Variants in LZTS1 observed in about 807,000 individuals in gnomAD.
LZTS1 encodes the protein leucine zipper tumor suppressor 1.
LZTS1 carries 31 observed loss-of-function variants against 45.8 expected under a neutral mutation model. That is an observed-to-expected ratio of 0.68 (90% CI 0.51 to 0.91). The LOEUF (loss-of-function observed/expected upper bound fraction) is 0.91. Ranked by LOEUF, LZTS1 falls within the 40% of genes least tolerant of loss-of-function variation. The pLI is 0.00. For missense variants in LZTS1, 821 were observed against 788.9 expected (o/e 1.04, Z -0.49); for synonymous variants, 359 against 357.3 (o/e 1.00, Z -0.05).
chr8:20,276,437 C>T (rs1366205235), intron 1 of LZTS1, among the ~76,000 whole-genome samples: 2 of 152,146 alleles, frequency 1.3e-5, no homozygotes, highest in African/African-American at 4.8e-5. Context: ...ATGTAGCCTC[C>T]ATAAAAACCC....
intron 1 of LZTS1, among the ~76,000 whole-genome samples, chr8:20,272,481 A>C (rs1394489994): frequency 1.3e-5 from 2 of 152,076 alleles, no homozygotes; most frequent in African/African-American, 2.4e-5. Context: ...TTTGTCCACT[A>C]GACATGGAAC....
At chr8:20,253,639 C>T in intron 2 of LZTS1, 54 bp from the exon 3 acceptor site, 2 of 1,356,336 alleles carry the variant, frequency 1.5e-6, no homozygotes, top group Non-Finnish European at 9.7e-7. Context: ...GCGCATTGCA[C>T]CCTCCCTCCC....
chr8:20,253,270 C>G lies in LZTS1; in HGVS notation c.661G>C (p.Asp221His). Residue 221 changes from aspartate (D) to histidine (H), a missense_variant, in exon 3 of 4, where the codon GAC becomes CAC. Asp to His is a moderately conservative substitution (Grantham distance 81). Transcript: ENST00000381569. ...GCCTTCAGGCTCATCATGTTGCTGT[C>G]CTGGAGGACGATGCCCTGGGTGATG... is the stretch of plus-strand genomic sequence containing the variant. ...HNITQGIVLQ[D>H]SNMMSLKALS... is the part of the protein sequence containing the mutation. The G allele has an allele frequency of 6.2e-7, 1 of 1,614,134 alleles. No homozygotes were observed. The highest frequency in any genetic ancestry group is 1.1e-5 in the South Asian group (1 of 91,090).
chr8:20,256,291 G>A (rs1315482052), intron 1 of LZTS1, among the ~76,000 whole-genome samples: 13 of 152,120 alleles, frequency 8.5e-5, no homozygotes, highest in Non-Finnish European at 1.3e-4. Flanking sequence ...AGACATCAGA[G>A]AACAAGGAGG....
chr8:20,276,866 C>T (rs11786102), intron 1 of LZTS1, among the ~76,000 whole-genome samples: 54,017 of 152,052 alleles, frequency 0.36, 10,581 homozygotes, highest in Non-Finnish European at 0.43. Context: ...TTGATTGTTA[C>T]GGTGTTAGAT....
chr8:20,262,103 T>C (rs963566865), intron 1 of LZTS1, among the ~76,000 whole-genome samples: 1 of 151,090 alleles, frequency 6.6e-6, no homozygotes. Flanking sequence ...CCCCATCCAT[T>C]CCCCCCCAGA....
intron 1 of LZTS1, among the ~76,000 whole-genome samples, chr8:20,278,480 G>A (rs1203204302): frequency 2.6e-5 from 4 of 152,240 alleles, no homozygotes; most frequent in East Asian, 3.9e-4. Flanking sequence ...AGGTCAAACC[G>A]TACACTTGAC....
chr8:20,264,237 T>C (rs1420587777), intron 1 of LZTS1, among the ~76,000 whole-genome samples: 1 of 152,248 alleles, frequency 6.6e-6, no homozygotes, highest in Non-Finnish European at 1.5e-5. Context: ...CATGTAGAGC[T>C]AGATCTTCCC....
chr8:20,266,539 TG>T (rs35776203), intron 1 of LZTS1, among the ~76,000 whole-genome samples: 2 of 151,836 alleles, frequency 1.3e-5, no homozygotes, highest in African/African-American at 4.8e-5. Flanking sequence ...ACTGGTCACC[TG>T]GGGGAAGTGC....
At chr8:20,250,398 G>A (rs751435681) in intron 3 of LZTS1, 35 bp from the exon 4 acceptor site, 2 of 1,544,582 alleles carry the variant, frequency 1.3e-6, no homozygotes, top group African/African-American at 2.7e-5. Context: ...AGTGCCAAGA[G>A]GTGAGTGTCC....
intron 1 of LZTS1, among the ~76,000 whole-genome samples, chr8:20,282,109 G>A (rs1800704081): frequency 6.6e-6 from 1 of 152,162 alleles, no homozygotes; most frequent in Non-Finnish European, 1.5e-5. Context: ...TCCATGAAGA[G>A]GGCCTTTTCT....
At chr8:20,268,433 C>T (rs1159634681) in intron 1 of LZTS1, among the ~76,000 whole-genome samples, 1 of 151,960 alleles carries the variant, frequency 6.6e-6, no homozygotes, top group Non-Finnish European at 1.5e-5. Flanking sequence ...ATACTCTGCC[C>T]GATTCAGCTT....
chr8:20,297,453 A>T (rs1250531112), intron 1 of LZTS1, among the ~76,000 whole-genome samples: 1 of 152,026 alleles, frequency 6.6e-6, no homozygotes, highest in African/African-American at 2.4e-5. Flanking sequence ...CTCGCTTTTT[A>T]GCCTAGGTTG....
intron 3 of LZTS1, among the ~76,000 whole-genome samples, chr8:20,251,145 AT>A (rs1799895358): frequency 2.7e-5 from 3 of 112,974 alleles, no homozygotes; most frequent in Admixed American, 1.1e-4. Context: ...ATATATATAT[AT>A]ATAAAATATA....
At chr8:20,294,768 A>G (rs1190052932) in intron 1 of LZTS1, among the ~76,000 whole-genome samples, 1 of 151,920 alleles carries the variant, frequency 6.6e-6, no homozygotes, top group African/African-American at 2.4e-5. Flanking sequence ...CTGAGTGTGT[A>G]GATTGTCCTT....
chr8:20,264,398 G>A (rs894575419), intron 1 of LZTS1, among the ~76,000 whole-genome samples: 17 of 152,170 alleles, frequency 1.1e-4, no homozygotes, highest in South Asian at 6.2e-4. Flanking sequence ...CTCAGAAGCT[G>A]TCAGTTTTTA....
intron 1 of LZTS1, among the ~76,000 whole-genome samples, chr8:20,270,815 G>GTGTA (rs1455078167): frequency 1.3e-5 from 2 of 151,582 alleles, no homozygotes; most frequent in Non-Finnish European, 2.9e-5. Flanking sequence ...GTGTGTGTGT[G>GTGTA]TGTGTGTGTG....
intron 1 of LZTS1, among the ~76,000 whole-genome samples, chr8:20,263,413 A>G (rs2128894718): frequency 6.6e-6 from 1 of 151,884 alleles, no homozygotes; most frequent in South Asian, 2.1e-4. Flanking sequence ...ACCCTCCTCC[A>G]ACATTTTGGC....
intron 1 of LZTS1, chr8:20,290,459 G>C (rs1800881637): frequency 6.6e-6 from 1 of 152,240 alleles, no homozygotes; most frequent in African/African-American, 2.4e-5. Flanking sequence ...TTAAATGCCA[G>C]CCTGCCTGTT....
Sources: gnomAD v4.1 joint callset for allele counts (sites outside exome capture counted in the v4.1 genomes callset) on GRCh38, gnomAD v4.1.1 for gene constraint, MANE v1.5 for transcripts, NCBI Gene and HGNC (gene_info 2026-07-23, HGNC 2026-07-21) for gene names.